SP140L: variants seen among roughly 807,000 people sequenced by gnomAD.
SP140L encodes nuclear body protein SP140-like protein.
A neutral mutation model predicts 84.3 loss-of-function variants in SP140L; 64 were observed. That is an observed-to-expected ratio of 0.76 (90% CI 0.62 to 0.94). SP140L has a LOEUF of 0.94. Among genes scored for constraint, SP140L ranks in the 40% least tolerant of loss-of-function variants. The pLI is 0.00. For synonymous variants in SP140L, 242 were observed against 236.9 expected (o/e 1.02, Z -0.20); for missense variants, 628 against 692.5 (o/e 0.91, Z 1.05).
intron 10 of SP140L, 112 bp from the exon 11 acceptor site, chr2:230,389,807 T>G: frequency 1.9e-6 from 2 of 1,037,416 alleles, no homozygotes; most frequent in South Asian, 3.0e-5. Context: ...TCTAGAGATT[T>G]ATGGAATAGA....
At chr2:230,385,404 T>A (rs2149797238) in intron 9 of SP140L, 100 bp downstream of exon 9, 2 of 1,123,686 alleles carry the variant, frequency 1.8e-6, no homozygotes, top group East Asian at 2.5e-5. Context: ...TAGTCAAACT[T>A]AGTCAATTTC....
intron 5 of SP140L, among the ~76,000 whole-genome samples, chr2:230,370,003 A>C (rs2061008120): frequency 4.1e-5 from 6 of 147,858 alleles, no homozygotes; most frequent in African/African-American, 1.6e-4. Context: ...TGAATTCCTG[A>C]CTTAGTGATT....
chr2:230,356,255 T>C (rs1179356654), intron 2 of SP140L, among the ~76,000 whole-genome samples: 2 of 152,136 alleles, frequency 1.3e-5, no homozygotes, highest in Non-Finnish European at 2.9e-5. Flanking sequence ...CCCACATATT[T>C]ACCCAAGAGA....
intron 4 of SP140L, 123 bp from the exon 5 acceptor site, chr2:230,361,491 G>C (rs906616345): frequency 1.6e-5 from 10 of 607,324 alleles, no homozygotes; most frequent in African/African-American, 1.5e-4. Context: ...GAAGATGATA[G>C]GAGAAGTTTA....
At chr2:230,342,150 T>C (rs549045610) in intron 2 of SP140L, 10 of 166,696 alleles carry the variant, frequency 6.0e-5, no homozygotes, top group Non-Finnish European at 1.1e-4. Flanking sequence ...TGAGAGTCCG[T>C]GGGCGTAGGA....
intron 14 of SP140L, among the ~76,000 whole-genome samples, chr2:230,397,854 C>T (rs1217215620): frequency 2.0e-5 from 3 of 152,108 alleles, no homozygotes; most frequent in South Asian, 2.1e-4. Flanking sequence ...TCAGTGTTTG[C>T]GTGGCTGATT....
intron 3 of SP140L, among the ~76,000 whole-genome samples, chr2:230,358,652 A>G (rs1409210800): frequency 1.3e-5 from 2 of 152,198 alleles, no homozygotes; most frequent in Non-Finnish European, 2.9e-5. Flanking sequence ...ATTGCCTGCT[A>G]CATCTATCCC....
chr2:230,373,356 G>T (rs1337505432), intron 7 of SP140L, among the ~76,000 whole-genome samples: 1 of 152,198 alleles, frequency 6.6e-6, no homozygotes, highest in Non-Finnish European at 1.5e-5. Context: ...TGGATTCAAA[G>T]CTCCATAGGA....
chr2:230,387,840 C>A (rs1440210974), intron 9 of SP140L, among the ~76,000 whole-genome samples: 1 of 151,980 alleles, frequency 6.6e-6, no homozygotes, highest in Non-Finnish European at 1.5e-5. Flanking sequence ...TCAATTCTAC[C>A]CATTCCTCAT....
chr2:230,396,595 AG>A (rs1209910053), intron 13 of SP140L, among the ~76,000 whole-genome samples, 161 bp from the exon 14 acceptor site: 1 of 152,250 alleles, frequency 6.6e-6, no homozygotes, highest in Non-Finnish European at 1.5e-5. Flanking sequence ...AGGAAATTAA[AG>A]CACTGGAGCC....
rs1282146611 is a variant in SP140L at position 230,402,800 on chromosome 2, T to C, written c.1647T>C (p.Tyr549=). Residue 549 remains tyrosine (Y), a splice_region_variant and synonymous_variant, in exon 19 of 19, where the codon TAT becomes TAC. Coordinates refer to ENST00000415673, the MANE Select transcript of SP140L (RefSeq NM_138402.6). ...IFQNHRASYK[Y]KDFGQMGLRL... ...TTGTCTTTATTACTTTTTTCCAGTA[T>C]AAGGATTTTGGCCAAATGGGACTTA... 1.2e-5 allele frequency: 20 copies of C among 1,611,714 alleles called. No individual in the cohort carries two copies. Among genetic ancestry groups the C allele is most frequent in the Non-Finnish European group, 1.7e-5 (20 of 1,179,076 alleles).
At position 230,337,305 on chromosome 2, in the gene SP140L, T is replaced by C. The variant is rs2149684108; in HGVS notation, c.107+8474T>C. 1.3e-5 allele frequency among the ~76,000 whole-genome samples: 2 copies of C among 152,312 alleles called. 1 individual carries two copies. The highest frequency in any genetic ancestry group is 4.1e-4 in the South Asian group (2 of 4,828). ...CATAAATGTCTTCTTTTGAGAAGTG[T>C]CTGTTCATATCCTTCGCCCACTTTT... On this transcript the variant is annotated intron_variant, in intron 2 of 18. Transcript: ENST00000415673.
intron 2 of SP140L, among the ~76,000 whole-genome samples, chr2:230,353,661 T>G (rs912529677): frequency 1.3e-5 from 2 of 152,126 alleles, no homozygotes; most frequent in African/African-American, 2.4e-5. Flanking sequence ...CCAATTAGTA[T>G]CAATATCATC....
intron 13 of SP140L, among the ~76,000 whole-genome samples, chr2:230,394,955 G>A (rs572738066): frequency 1.3e-5 from 2 of 152,080 alleles, no homozygotes; most frequent in Non-Finnish European, 2.9e-5. Context: ...CAGAATAATC[G>A]TTGTGTGCTA....
intron 2 of SP140L, among the ~76,000 whole-genome samples, chr2:230,349,510 A>G (rs1378770486): frequency 1.3e-5 from 2 of 152,144 alleles, no homozygotes; most frequent in African/African-American, 4.8e-5. Flanking sequence ...GGGTATCTCT[A>G]TTTATTTAGA....
chr2:230,403,552 C>G lies in SP140L; in HGVS notation c.*656C>G, dbSNP rs1002822971. On this transcript the variant is annotated 3_prime_UTR_variant, in exon 19 of 19. Transcript: ENST00000415673. Reference sequence around the variant, plus strand: ...AACCAGCCAAGCTTTATTCACGACACACTTCTTCCCTTCACTCTCCCACTT... The same window carrying G: ...AACCAGCCAAGCTTTATTCACGACAGACTTCTTCCCTTCACTCTCCCACTT... 1 of 152,304 alleles carries G rather than the reference C, an allele frequency of 6.6e-6. No individual in the cohort carries two copies. Among genetic ancestry groups the G allele is most frequent in the Non-Finnish European group, 1.5e-5 (1 of 68,154 alleles). 9.4% of individuals were successfully genotyped at this position (152,304 alleles called of 1,614,324 possible).
chr2:230,371,147 G>A (rs146148299), intron 6 of SP140L, among the ~76,000 whole-genome samples, 180 bp downstream of exon 6: 76 of 152,296 alleles, frequency 5.0e-4, no homozygotes, highest in African/African-American at 1.4e-3. Flanking sequence ...ATCAAGATGG[G>A]CTCTGTTGAT....
At chr2:230,353,592 A>G (rs186456477) in intron 2 of SP140L, among the ~76,000 whole-genome samples, 1 of 152,128 alleles carries the variant, frequency 6.6e-6, no homozygotes, top group Admixed American at 6.5e-5. Flanking sequence ...TAAATTGCCT[A>G]TTTTTGATTT....
chr2:230,365,264 T>A (rs1278678050), intron 5 of SP140L, among the ~76,000 whole-genome samples: 1 of 152,104 alleles, frequency 6.6e-6, no homozygotes, highest in Non-Finnish European at 1.5e-5. Flanking sequence ...AATTCAGCAG[T>A]GAAACCATCT....
Sources: allele counts gnomAD v4.1 joint callset (sites outside exome capture counted in the v4.1 genomes callset), GRCh38; gene constraint gnomAD v4.1.1; transcripts MANE v1.5; gene names NCBI Gene and HGNC (gene_info 2026-07-23, HGNC 2026-07-21).